Variants in ZNF804B observed in about 807,000 individuals in gnomAD.
ZNF804B encodes zinc finger protein 804B, also known as zinc finger 804B.
A neutral mutation model predicts 101.4 loss-of-function variants in ZNF804B; 80 were observed. The ratio of observed to expected loss-of-function variants is 0.79; its 90% CI spans 0.66 to 0.95. The LOEUF is 0.95. ZNF804B is among the 40% of genes least tolerant of loss of function. The pLI, the probability that ZNF804B is intolerant of heterozygous loss-of-function variation, is 0.00. For missense variants in ZNF804B, 1,673 were observed against 1,561.9 expected, an observed-to-expected ratio of 1.07 and a Z score of -1.20; for synonymous variants, 622 against 558.8, an observed-to-expected ratio of 1.11 and a Z score of -1.59.
intron 2 of ZNF804B, among the ~76,000 whole-genome samples, chr7:89,282,507 A>G (rs530204871): frequency 2.6e-5 from 4 of 152,352 alleles, no homozygotes; most frequent in African/African-American, 9.6e-5. Flanking sequence ...TGCCAAAACA[A>G]GTAAGAAATC....
chr7:89,100,369 A>G (rs1347128614), intron 1 of ZNF804B, among the ~76,000 whole-genome samples: 1 of 152,182 alleles, frequency 6.6e-6, no homozygotes, highest in African/African-American at 2.4e-5. Context: ...ACTACAATAA[A>G]TCATTGGAGA....
At chr7:88,971,131 T>G (rs1447610993) in intron 1 of ZNF804B, among the ~76,000 whole-genome samples, 1 of 151,548 alleles carries the variant, frequency 6.6e-6, no homozygotes, top group Non-Finnish European at 1.5e-5. Context: ...GCAGATGGTC[T>G]TAAAAGCCTA....
chr7:88,925,523 C>A (rs1792784228), intron 1 of ZNF804B, among the ~76,000 whole-genome samples: 1 of 152,066 alleles, frequency 6.6e-6, no homozygotes, highest in African/African-American at 2.4e-5. Context: ...GGTGGAAAGA[C>A]CACATGAGGA....
chr7:89,083,255 C>G (rs536266047), intron 1 of ZNF804B, among the ~76,000 whole-genome samples: 1 of 151,770 alleles, frequency 6.6e-6, no homozygotes, highest in Non-Finnish European at 1.5e-5. Flanking sequence ...CACATACCTA[C>G]ACAGTATAAT....
At chr7:89,059,297 A>G (rs1467321762) in intron 1 of ZNF804B, among the ~76,000 whole-genome samples, 1 of 152,174 alleles carries the variant, frequency 6.6e-6, no homozygotes, top group East Asian at 1.9e-4. Flanking sequence ...TATATAAAGA[A>G]AAGAGATTTA....
chr7:89,265,299 T>TGCGCGC (rs72433209), intron 2 of ZNF804B, among the ~76,000 whole-genome samples: 1 of 140,336 alleles, frequency 7.1e-6, no homozygotes, highest in African/African-American at 2.6e-5. Context: ...TGTGTGCGCG[T>TGCGCGC]GCGCGCGCGC....
intron 2 of ZNF804B, among the ~76,000 whole-genome samples, chr7:89,247,655 C>G (rs936882076): frequency 6.6e-6 from 1 of 152,058 alleles, no homozygotes; most frequent in Non-Finnish European, 1.5e-5. Flanking sequence ...GTCCTAGTCT[C>G]CAGATGACAA....
chr7:89,134,610 C>T (rs776821105), intron 1 of ZNF804B, among the ~76,000 whole-genome samples: 1 of 152,024 alleles, frequency 6.6e-6, no homozygotes, highest in Non-Finnish European at 1.5e-5. Context: ...TTTCCCACAG[C>T]GTTCCTGCTT....
At chr7:88,859,837 TA>T (rs1369998275) in intron 1 of ZNF804B, among the ~76,000 whole-genome samples, 10 of 152,044 alleles carry the variant, frequency 6.6e-5, no homozygotes, top group Middle Eastern at 3.4e-3. Context: ...AGAAACAACT[TA>T]AAAATGTGCT....
intron 1 of ZNF804B, among the ~76,000 whole-genome samples, chr7:89,168,682 C>CTT (rs372503661): frequency 0.026 from 3,010 of 115,412 alleles, 126 homozygotes; most frequent in African/African-American, 0.043. Context: ...GAGCTGAATA[C>CTT]TTTTTTTTTT....
intron 1 of ZNF804B, among the ~76,000 whole-genome samples, chr7:88,934,123 C>T (rs916952153): frequency 6.6e-6 from 1 of 151,740 alleles, no homozygotes; most frequent in Non-Finnish European, 1.5e-5. Context: ...CAAATAGAGC[C>T]AACTGATCTT....
At chr7:89,085,088 T>C (rs921257939) in intron 1 of ZNF804B, among the ~76,000 whole-genome samples, 1 of 151,954 alleles carries the variant, frequency 6.6e-6, no homozygotes, top group African/African-American at 2.4e-5. Context: ...GGTTAATCTT[T>C]CCAAATCAAG....
chr7:89,001,237 A>G (rs918777995), intron 1 of ZNF804B, among the ~76,000 whole-genome samples: 3 of 150,864 alleles, frequency 2.0e-5, no homozygotes, highest in African/African-American at 7.3e-5. Context: ...ATGGGAGATA[A>G]TGCACATGCT....
intron 1 of ZNF804B, among the ~76,000 whole-genome samples, chr7:88,850,641 A>T (rs1001165497): frequency 6.6e-6 from 1 of 152,126 alleles, no homozygotes; most frequent in African/African-American, 2.4e-5. Flanking sequence ...AGCAAGATCC[A>T]AAAAGACCAA....
At chr7:89,137,018 A>G (rs1790647509) in intron 1 of ZNF804B, among the ~76,000 whole-genome samples, 1 of 151,968 alleles carries the variant, frequency 6.6e-6, no homozygotes, top group Non-Finnish European at 1.5e-5. Flanking sequence ...GCCTTCTACC[A>G]TGATTGTGAG....
At chr7:88,953,144 T>A (rs1053641067) in intron 1 of ZNF804B, among the ~76,000 whole-genome samples, 1 of 151,786 alleles carries the variant, frequency 6.6e-6, no homozygotes, top group Non-Finnish European at 1.5e-5. Context: ...TTGAAACTTA[T>A]GGAGACCTAA....
At chr7:89,012,882 G>C (rs899210946) in intron 1 of ZNF804B, among the ~76,000 whole-genome samples, 5 of 152,092 alleles carry the variant, frequency 3.3e-5, no homozygotes, top group South Asian at 2.1e-4. Context: ...GCAAGACTGG[G>C]TAATTTATAA....
intron 1 of ZNF804B, among the ~76,000 whole-genome samples, chr7:89,145,261 C>T (rs1790775491): frequency 6.6e-6 from 1 of 151,792 alleles, no homozygotes; most frequent in Non-Finnish European, 1.5e-5. Context: ...TAACTGACAA[C>T]TGAAAAGCAG....
chr7:88,995,156 A>G (rs1793903284), intron 1 of ZNF804B, among the ~76,000 whole-genome samples: 1 of 152,034 alleles, frequency 6.6e-6, no homozygotes, highest in African/African-American at 2.4e-5. Context: ...GATAAGCAGG[A>G]GCAGACTGGA....
Sources: allele counts gnomAD v4.1 joint callset (sites outside exome capture counted in the v4.1 genomes callset), GRCh38; gene constraint gnomAD v4.1.1; transcripts MANE v1.5; gene names NCBI Gene and HGNC (gene_info 2026-07-23, HGNC 2026-07-21).